CIMAP2: variants seen among roughly 807,000 people sequenced by gnomAD.
CIMAP2 encodes ciliary microtubule-associated protein 2.
At chr1:54,832,664 G>C in the CIMAP2 span, among the ~76,000 whole-genome samples, 1 of 152,072 alleles carries the variant, frequency 6.6e-6, no homozygotes, top group Non-Finnish European at 1.5e-5. Flanking sequence ...ACCAAAAGAA[G>C]CAATCATTCA....
chr1:54,813,752 G>C, the CIMAP2 span: 2 of 1,513,160 alleles, frequency 1.3e-6, no homozygotes, highest in East Asian at 4.5e-5. Context: ...GCGGGGGAGG[G>C]TTGAGAAAGG....
the CIMAP2 span, among the ~76,000 whole-genome samples, chr1:54,835,074 A>T: frequency 6.6e-6 from 1 of 152,270 alleles, no homozygotes; most frequent in Admixed American, 6.5e-5. Context: ...GCTAAAAGGC[A>T]TATTCTTTGT....
chr1:54,812,130 T>C, the CIMAP2 span: 1 of 1,614,188 alleles, frequency 6.2e-7, no homozygotes, highest in Non-Finnish European at 8.5e-7. Flanking sequence ...CCGCGGCCCC[T>C]ATGACACTTT....
the CIMAP2 span, chr1:54,806,179 C>G: frequency 1.3e-6 from 2 of 1,552,568 alleles, no homozygotes; most frequent in South Asian, 1.2e-5. Context: ...CCACGGCCAC[C>G]AAGTGGTTCA....
chr1:54,842,069 G>C, the CIMAP2 span: 2 of 606,444 alleles, frequency 3.3e-6, no homozygotes, highest in African/African-American at 1.8e-5. Context: ...CGGGACAGCT[G>C]GGGACAGGTA....
At chr1:54,812,141 C>T in the CIMAP2 span, 2 of 1,614,244 alleles carry the variant, frequency 1.2e-6, no homozygotes, top group East Asian at 2.2e-5. Flanking sequence ...ATGACACTTT[C>T]TCTGGTGATC....
the CIMAP2 span, among the ~76,000 whole-genome samples, chr1:54,835,487 C>A: frequency 6.6e-6 from 1 of 152,072 alleles, no homozygotes; most frequent in East Asian, 1.9e-4. Context: ...CTGTGCCTGG[C>A]CAGACAAAGT....
At chr1:54,811,765 G>GCCGGGGGGGGGGCGC in the CIMAP2 span, 3 of 1,301,332 alleles carry the variant, frequency 2.3e-6, no homozygotes, top group Non-Finnish European at 3.3e-6. Flanking sequence ...GGTTCTGACA[G>GCCGGGGGGGGGGCGC]CCTCCATGCC....
chr1:54,818,921 A>G, the CIMAP2 span, among the ~76,000 whole-genome samples: 32 of 152,044 alleles, frequency 2.1e-4, no homozygotes, highest in Non-Finnish European at 4.1e-4. Context: ...TAAAGATGTT[A>G]ATTAAGTTTT....
chr1:54,825,668 C>A, the CIMAP2 span, among the ~76,000 whole-genome samples: 2 of 151,962 alleles, frequency 1.3e-5, no homozygotes, highest in African/African-American at 4.8e-5. Flanking sequence ...GCGGGCTGGT[C>A]CTCAGGCCTC....
chr1:54,822,419 CTCTAA>C, the CIMAP2 span, among the ~76,000 whole-genome samples: 3 of 149,598 alleles, frequency 2.0e-5, no homozygotes, highest in Non-Finnish European at 4.4e-5. Flanking sequence ...TTTAGTTCTG[CTCTAA>C]TCTTTATTTC....
At chr1:54,811,854 G>C in the CIMAP2 span, 1 of 1,576,790 alleles carries the variant, frequency 6.3e-7, no homozygotes, top group Non-Finnish European at 8.6e-7. Flanking sequence ...CAAGCTGGAG[G>C]AGAATGCCTG....
chr1:54,817,703 A>G, the CIMAP2 span, among the ~76,000 whole-genome samples: 321 of 150,090 alleles, frequency 2.1e-3, 1 homozygote, highest in Non-Finnish European at 3.8e-3. Context: ...ATGTTGACAA[A>G]CATGCACTTT....
chr1:54,811,888 T>C, the CIMAP2 span: 1 of 1,613,328 alleles, frequency 6.2e-7, no homozygotes, highest in Non-Finnish European at 8.5e-7. Context: ...TCCGAGGGCC[T>C]CATGTGCAGG....
At chr1:54,817,164 G>T in the CIMAP2 span, 3 of 1,609,792 alleles carry the variant, frequency 1.9e-6, no homozygotes, top group African/African-American at 1.3e-5. Flanking sequence ...CGAGGGCGGT[G>T]GGGGGTCTTA....
the CIMAP2 span, among the ~76,000 whole-genome samples, chr1:54,820,476 C>A: frequency 6.6e-6 from 1 of 152,110 alleles, no homozygotes; most frequent in African/African-American, 2.4e-5. Flanking sequence ...CTACGCCTGG[C>A]CTATTTTTAG....
the CIMAP2 span, among the ~76,000 whole-genome samples, chr1:54,836,282 C>CGCCT: frequency 4.6e-5 from 7 of 150,748 alleles, no homozygotes; most frequent in African/African-American, 1.5e-4. Context: ...CCTACCTGCC[C>CGCCT]GCCTGCCTGC....
the CIMAP2 span, among the ~76,000 whole-genome samples, chr1:54,812,591 G>C: frequency 1.3e-5 from 2 of 152,220 alleles, no homozygotes; most frequent in Non-Finnish European, 2.9e-5. Flanking sequence ...AAGCTGGCTG[G>C]GTTAGGGCCA....
At chr1:54,823,356 T>G in the CIMAP2 span, among the ~76,000 whole-genome samples, 1 of 151,876 alleles carries the variant, frequency 6.6e-6, no homozygotes, top group South Asian at 2.1e-4. Context: ...TTTTTTTTTT[T>G]ACTTAAGGTC....
Sources: allele counts gnomAD v4.1 joint callset (sites outside exome capture counted in the v4.1 genomes callset), GRCh38; gene constraint gnomAD v4.1.1; transcripts MANE v1.5; gene names NCBI Gene and HGNC (gene_info 2026-07-23, HGNC 2026-07-21).